ZFAT: variants seen among roughly 807,000 people sequenced by gnomAD.
ZFAT encodes the protein zinc finger and AT-hook domain containing.
ZFAT carries 64 observed loss-of-function variants against 117.7 expected under a neutral mutation model. The observed-to-expected ratio is 0.54, with a 90% CI of 0.44 to 0.67. ZFAT has a LOEUF of 0.67. ZFAT is among the 30% of genes least tolerant of loss of function. The pLI is 0.00. For synonymous variants in ZFAT, 679 were observed against 615.0 expected (o/e 1.10, Z -1.54); for missense variants, 1,433 against 1,584.5 (o/e 0.90, Z 1.62).
rs1563751528 is a variant in ZFAT, at chr8:134,477,852, A to C, written c.*630T>G. On this transcript the variant is annotated 3_prime_UTR_variant, in exon 16 of 16. Transcript: ENST00000377838. ...CTTAGAATGGGAGGCGAACAGTGAA[A>C]TAGTGCATTTATCTTAAAAGTGAAA... The C allele has an allele frequency of 6.6e-6, 1 of 152,410 alleles. No individual in the cohort carries two copies. The highest frequency in any genetic ancestry group is 2.4e-5 in the African/African-American group (1 of 41,438). The allele number at this position is 152,410 out of a possible 1,614,324, so 9.4% of individuals were successfully genotyped here. A position where few individuals can be genotyped will look rare whatever the true frequency, so the allele number is the denominator to read the frequency against.
chr8:134,491,064 A>G (rs1586569953), intron 15 of ZFAT, among the ~76,000 whole-genome samples: 1 of 152,216 alleles, frequency 6.6e-6, no homozygotes, highest in African/African-American at 2.4e-5. Flanking sequence ...TGTTCTCACC[A>G]TGACTTCTAA....
chr8:134,583,097 T>A (rs953707632), intron 10 of ZFAT, among the ~76,000 whole-genome samples: 22 of 144,634 alleles, frequency 1.5e-4, no homozygotes, highest in African/African-American at 5.4e-4. Context: ...CTGTGCCCAC[T>A]GCCCACCGAG....
chr8:134,633,651 C>T (rs1319781139), intron 3 of ZFAT, among the ~76,000 whole-genome samples: 5 of 152,224 alleles, frequency 3.3e-5, no homozygotes, highest in Admixed American at 3.3e-4. Context: ...CAGCCCACCT[C>T]GCTCACAACC....
the ZFAT span, among the ~76,000 whole-genome samples, chr8:134,759,883 AT>A: frequency 6.9e-6 from 1 of 144,330 alleles, no homozygotes; most frequent in Non-Finnish European, 1.5e-5. Context: ...AGGTAGGAGA[AT>A]TGCTTGAACC....
chr8:134,811,255 T>C, the ZFAT span, among the ~76,000 whole-genome samples: 1 of 152,200 alleles, frequency 6.6e-6, no homozygotes, highest in East Asian at 1.9e-4. Context: ...TTATCGTTTT[T>C]ATACTTCAAA....
At chr8:134,704,660 A>G (rs151018520) in intron 1 of ZFAT, among the ~76,000 whole-genome samples, 1 of 152,360 alleles carries the variant, frequency 6.6e-6, no homozygotes, top group East Asian at 1.9e-4. Context: ...GATAAAGAAT[A>G]AACAAATAGA....
the ZFAT span, among the ~76,000 whole-genome samples, chr8:134,804,113 G>A: frequency 1.3e-5 from 2 of 152,170 alleles, no homozygotes; most frequent in Admixed American, 1.3e-4. Context: ...AGTCCACACT[G>A]AGTGTCATCT....
At chr8:134,789,918 C>A in the ZFAT span, among the ~76,000 whole-genome samples, 1 of 152,132 alleles carries the variant, frequency 6.6e-6, no homozygotes. Flanking sequence ...TATGTAAAGT[C>A]ATCGCTTAAG....
chr8:134,491,709 C>CCTT (rs1401370212), intron 15 of ZFAT, among the ~76,000 whole-genome samples: 3 of 152,198 alleles, frequency 2.0e-5, no homozygotes, highest in Non-Finnish European at 4.4e-5. Context: ...GACCCTACTG[C>CCTT]CTTCCTCTTC....
intron 3 of ZFAT, among the ~76,000 whole-genome samples, chr8:134,611,308 C>T (rs969898144): frequency 1.3e-5 from 2 of 152,234 alleles, no homozygotes; most frequent in Non-Finnish European, 2.9e-5. Context: ...GAAATACAGG[C>T]AAGGGGTATA....
chr8:134,517,521 C>T (rs1424732423), intron 13 of ZFAT, among the ~76,000 whole-genome samples: 1 of 152,168 alleles, frequency 6.6e-6, no homozygotes, highest in Non-Finnish European at 1.5e-5. Context: ...CCCAGCCTCC[C>T]CTAATCTTAA....
At chr8:134,739,956 G>C in the ZFAT span, among the ~76,000 whole-genome samples, 1 of 152,232 alleles carries the variant, frequency 6.6e-6, no homozygotes, top group Non-Finnish European at 1.5e-5. Flanking sequence ...TCAATACCCA[G>C]CTTCCTCATG....
chr8:134,819,767 C>A, the ZFAT span, among the ~76,000 whole-genome samples: 1 of 151,818 alleles, frequency 6.6e-6, no homozygotes, highest in African/African-American at 2.4e-5. Context: ...GGGACCAGAA[C>A]AATGTATATT....
the ZFAT span, among the ~76,000 whole-genome samples, chr8:134,768,464 T>A: frequency 1.2e-3 from 190 of 152,164 alleles, 3 homozygotes; most frequent in Non-Finnish European, 3.1e-4. Flanking sequence ...TATCTAAGAC[T>A]AGCCAATTTA....
At chr8:134,717,122 T>C (rs1814220346), upstream of ZFAT, among the ~76,000 whole-genome samples, 1 of 152,228 alleles carries the variant, frequency 6.6e-6, no homozygotes, top group Non-Finnish European at 1.5e-5. Context: ...TAAACTGCTA[T>C]ATGGCCCTGC....
chr8:134,825,717 C>T, the ZFAT span, among the ~76,000 whole-genome samples: 1 of 152,298 alleles, frequency 6.6e-6, no homozygotes, highest in East Asian at 1.9e-4. Flanking sequence ...TACTTACAGG[C>T]ATACTTAAGA....
chr8:134,563,098 A>C (rs1586714494), intron 11 of ZFAT, among the ~76,000 whole-genome samples: 2 of 152,354 alleles, frequency 1.3e-5, no homozygotes, highest in Middle Eastern at 3.4e-3. Context: ...GTACACCTAT[A>C]TGCTGTGAAA....
At chr8:134,758,136 A>T in the ZFAT span, among the ~76,000 whole-genome samples, 1 of 152,170 alleles carries the variant, frequency 6.6e-6, no homozygotes, top group Non-Finnish European at 1.5e-5. Context: ...TAGACATAGG[A>T]GCTTGATGTA....
At chr8:134,819,518 C>A in the ZFAT span, among the ~76,000 whole-genome samples, 2 of 125,592 alleles carry the variant, frequency 1.6e-5, no homozygotes, top group Non-Finnish European at 3.3e-5. Context: ...CGCCCCCCAA[C>A]ACACCACAAA....
Sources: gnomAD v4.1 joint callset for allele counts (sites outside exome capture counted in the v4.1 genomes callset) on GRCh38, gnomAD v4.1.1 for gene constraint, MANE v1.5 for transcripts, NCBI Gene and HGNC (gene_info 2026-07-23, HGNC 2026-07-21) for gene names.